The following FAM177B variants were observed in gnomAD, a reference collection of about 807,000 sequenced individuals.
FAM177B encodes protein FAM177B.
FAM177B carries 16 observed loss-of-function variants against 16.1 expected under a neutral mutation model. The observed-to-expected ratio is 0.99, with a 90% CI of 0.67 to 1.51. The LOEUF (loss-of-function observed/expected upper bound fraction) is 1.51. FAM177B is among the 40% of genes most tolerant of loss of function. FAM177B has a pLI of 0.00. For synonymous variants in FAM177B, 56 were observed against 59.9 expected (o/e 0.93, Z 0.30); for missense variants, 178 against 183.7 (o/e 0.97, Z 0.18).
At chr1:222,738,646 G>A (rs576558025) in intron 2 of FAM177B, among the ~76,000 whole-genome samples, 36 of 149,874 alleles carry the variant, frequency 2.4e-4, no homozygotes, top group African/African-American at 8.1e-4. Flanking sequence ...TCCAGCCTGG[G>A]CAAAAGCAAG....
At chr1:222,747,171 G>A (rs934430355) in intron 4 of FAM177B, 90 bp downstream of exon 4, 10 of 886,416 alleles carry the variant, frequency 1.1e-5, no homozygotes, top group Non-Finnish European at 1.5e-5. Context: ...AATTGTGTAA[G>A]CCACTCCATC....
intron 2 of FAM177B, among the ~76,000 whole-genome samples, chr1:222,738,445 G>T (rs946826868): frequency 6.6e-6 from 1 of 151,532 alleles, no homozygotes; most frequent in South Asian, 2.1e-4. Context: ...TGAGCCGGGC[G>T]CAGTGGCTCA....
At chr1:222,749,871 G>C in intron 5 of FAM177B, 50 bp from the exon 6 acceptor site, 1 of 1,595,704 alleles carries the variant, frequency 6.3e-7, no homozygotes, top group Non-Finnish European at 8.6e-7. Context: ...GGGGAGTTCA[G>C]AGGTCTTTGT....
At chr1:222,745,207 G>C (rs1658738086) in intron 2 of FAM177B, among the ~76,000 whole-genome samples, 1 of 152,206 alleles carries the variant, frequency 6.6e-6, no homozygotes, top group Non-Finnish European at 1.5e-5. Flanking sequence ...CCAGTTTGGA[G>C]TGTTCACAAA....
rs1460198692 is a variant in FAM177B at position 222,750,124 on chromosome 1, T to G, written c.*66T>G. 6.3e-6 allele frequency: 10 copies of G among 1,579,058 alleles called. No homozygotes were observed. The African/African-American group carries it at 1.4e-4, about 22-fold the overall frequency. ...CATGATGGCAGCAAAGACTGCAGTT[T>G]CCCTGGATCTGTTCCTTGGCCATTG... On this transcript the variant is annotated 3_prime_UTR_variant, in exon 6 of 6. Coordinates refer to ENST00000445590, the MANE Select transcript of FAM177B (RefSeq NM_001394345.1).
chr1:222,746,803 A>G, intron 3 of FAM177B, 84 bp downstream of exon 3: 2 of 1,226,370 alleles, frequency 1.6e-6, no homozygotes, highest in South Asian at 3.0e-5. Flanking sequence ...GGTTTATAGA[A>G]AGAATAGCTT....
chr1:222,747,635 A>G (rs936215437), intron 4 of FAM177B, among the ~76,000 whole-genome samples: 2 of 152,208 alleles, frequency 1.3e-5, no homozygotes, highest in African/African-American at 4.8e-5. Context: ...TTTTTAAGAC[A>G]TAGTTGACAA....
chr1:222,750,668 A>T lies in FAM177B; in HGVS notation c.*610A>T, dbSNP rs184369494. 4,423 of 534,388 alleles carry T rather than the reference A, an allele frequency of 8.3e-3. 23 individuals are homozygous for T. The highest frequency in any genetic ancestry group is 9.6e-3 in the Non-Finnish European group (4,032 of 418,316). 33.1% of individuals were successfully genotyped at this position (534,388 alleles called of 1,614,324 possible). On this transcript the variant is annotated 3_prime_UTR_variant, in exon 6 of 6. Transcript: ENST00000445590. ...TAAATAATATAAGCTCTAGAAAAAA[A>T]TATTAATGGATTATTTTCTTATTTA...
rs150882306 is a variant in FAM177B, at chr1:222,746,990, C to G, written c.175-25C>G. The G allele has an allele frequency of 5.1e-5, 77 of 1,508,526 alleles. No individual in the cohort carries two copies. In the African/African-American group the frequency reaches 9.8e-4, roughly 19 times the overall value. 93.4% of individuals were successfully genotyped at this position (1,508,526 alleles called of 1,614,324 possible). ...GTCACCATTCCTCTTATTAACTACT[C>G]TATCTCAATTTCTCCTTTTTTCAGT... On this transcript the variant is annotated intron_variant, in intron 3 of 5. Transcript: ENST00000445590.
chr1:222,747,005 C>T lies in FAM177B; in HGVS notation c.175-10C>T, dbSNP rs1658830856. 2.5e-6 allele frequency: 4 copies of T among 1,593,534 alleles called. No homozygotes were observed. Among genetic ancestry groups the T allele is most frequent in the Admixed American group, 1.7e-5 (1 of 59,956 alleles). Reference sequence around the variant, plus strand: ...ATTAACTACTCTATCTCAATTTCTCCTTTTTTCAGTCTAAACTTTCCTGGG... The same window carrying T: ...ATTAACTACTCTATCTCAATTTCTCTTTTTTTCAGTCTAAACTTTCCTGGG... On this transcript the variant is annotated splice_polypyrimidine_tract_variant and intron_variant, in intron 3 of 5. Coordinates refer to ENST00000445590, the MANE Select transcript of FAM177B (RefSeq NM_001394345.1).
intron 3 of FAM177B, 31 bp downstream of exon 3, chr1:222,746,750 T>C (rs1186795797): frequency 1.3e-6 from 2 of 1,536,866 alleles, no homozygotes; most frequent in South Asian, 1.2e-5. Context: ...TTAGGGAACA[T>C]GGTGGGGGAG....
chr1:222,737,526 G>T (rs772669540), intron 1 of FAM177B, among the ~76,000 whole-genome samples: 6 of 152,238 alleles, frequency 3.9e-5, no homozygotes, highest in Non-Finnish European at 8.8e-5. Context: ...GGGCGGACCT[G>T]TGTGGTCAGG....
intron 4 of FAM177B, among the ~76,000 whole-genome samples, chr1:222,748,237 T>G (rs1389251324): frequency 2.0e-5 from 3 of 152,164 alleles, no homozygotes; most frequent in African/African-American, 4.8e-5. Context: ...AAAAATGCTG[T>G]CTTCCAGAAA....
chr1:222,749,371 A>G, intron 4 of FAM177B, 94 bp from the exon 5 acceptor site: 1 of 689,568 alleles, frequency 1.5e-6, no homozygotes, highest in Non-Finnish European at 2.5e-6. Flanking sequence ...CACTATTACT[A>G]TACTATCAGA....
At chr1:222,740,267 G>A (rs890240551) in intron 2 of FAM177B, among the ~76,000 whole-genome samples, 6 of 152,114 alleles carry the variant, frequency 3.9e-5, no homozygotes, top group Admixed American at 2.6e-4. Flanking sequence ...ATATATGTGT[G>A]TATATTCAAT....
chr1:222,749,880 G>T (rs1259492931), intron 5 of FAM177B, 41 bp from the exon 6 acceptor site: 1 of 1,609,088 alleles, frequency 6.2e-7, no homozygotes, highest in Non-Finnish European at 8.5e-7. Context: ...AGAGGTCTTT[G>T]TTTGTACAGT....
rs371775222 is a variant in FAM177B at position 222,746,661 on chromosome 1, C to G, written c.116C>G (p.Thr39Arg). The change falls in exon 3 of 6, where the codon ACA becomes AGA. Residue 39 changes from threonine to arginine, a missense_variant. Coordinates refer to ENST00000445590, the MANE Select transcript of FAM177B (RefSeq NM_001394345.1). ...VDGDIMEEYS[T>R]EEEEEEEKEE... Reference sequence around the variant, plus strand: ...GGAGACATCATGGAAGAATATAGCACAGAGGAGGAGGAGGAAGAGGAAAAG... The same window carrying G: ...GGAGACATCATGGAAGAATATAGCAGAGAGGAGGAGGAGGAAGAGGAAAAG... 4.3e-6 allele frequency: 7 copies of G among 1,613,400 alleles called. No individual in the cohort carries two copies. The Admixed American group carries it at 1.2e-4, about 27-fold the overall frequency.
chr1:222,750,031 G>A lies in FAM177B; in HGVS notation c.450G>A (p.Gln150=), dbSNP rs191636438. 376 of 1,613,872 alleles carry A rather than the reference G, an allele frequency of 2.3e-4. 4 individuals are homozygous for A. The South Asian group carries it at 3.2e-3, about 14-fold the overall frequency. ...AGVQEYGTIQ[Q]DVTEAIPQ ...TCCAAGAGTATGGAACCATACAACA[G>A]GATGTGACAGAGGCCATTCCTCAGT... The change falls in exon 6 of 6, where the codon CAG becomes CAA. Residue 150 remains glutamine, a synonymous_variant. Transcript: ENST00000445590.
chr1:222,744,268 C>T (rs915168981), intron 2 of FAM177B, among the ~76,000 whole-genome samples: 15 of 152,128 alleles, frequency 9.9e-5, no homozygotes, highest in African/African-American at 3.4e-4. Context: ...ATCAGGAGTT[C>T]GAGATCAGCC....
Sources: gnomAD v4.1 joint callset for allele counts (sites outside exome capture counted in the v4.1 genomes callset) on GRCh38, gnomAD v4.1.1 for gene constraint, MANE v1.5 for transcripts, NCBI Gene and HGNC (gene_info 2026-07-23, HGNC 2026-07-21) for gene names.